PALM2AKAP2: variants seen among roughly 807,000 people sequenced by gnomAD.
PALM2AKAP2 encodes the protein PALM2 and AKAP2 fusion.
Under a neutral mutation model 71.5 loss-of-function variants are expected in PALM2AKAP2, and 37 were observed. The observed-to-expected ratio is 0.52, with a 90% CI of 0.40 to 0.68. PALM2AKAP2 has a LOEUF of 0.68. PALM2AKAP2 is among the 30% of genes least tolerant of loss of function. PALM2AKAP2 has a pLI of 0.00. For synonymous variants in PALM2AKAP2, 468 were observed against 478.8 expected (o/e 0.98, Z 0.29); for missense variants, 1,224 against 1,191.8 (o/e 1.03, Z -0.40).
At chr9:110,138,124 G>A (rs770546074) in exon 2 of PALM2AKAP2, 4 of 1,613,970 alleles carry the variant, frequency 2.5e-6, no homozygotes, top group South Asian at 1.1e-5. Context: ...CACCTCAGGT[G>A]TCTTCTCCTG....
At chr9:110,114,018 T>G (rs1174078066) in intron 1 of PALM2AKAP2, among the ~76,000 whole-genome samples, 1 of 152,206 alleles carries the variant, frequency 6.6e-6, no homozygotes, top group African/African-American at 2.4e-5. Flanking sequence ...GAAATCCTCA[T>G]AACAGCCTCA....
chr9:109,888,956 T>C (rs539924990), intron 3 of PALM2AKAP2, among the ~76,000 whole-genome samples: 127 of 152,296 alleles, frequency 8.3e-4, no homozygotes, highest in African/African-American at 2.8e-3. Flanking sequence ...CATTGCTGAA[T>C]GTTGCCTTGG....
intron 1 of PALM2AKAP2, among the ~76,000 whole-genome samples, chr9:110,121,998 A>G (rs147958120): frequency 1.5e-3 from 231 of 152,352 alleles, no homozygotes; most frequent in African/African-American, 5.2e-3. Flanking sequence ...TAGAAGAGAA[A>G]TGAGGCCTTC....
At chr9:109,741,092 G>A (rs545046433) in intron 1 of PALM2AKAP2, among the ~76,000 whole-genome samples, 2 of 152,152 alleles carry the variant, frequency 1.3e-5, no homozygotes, top group African/African-American at 4.8e-5. Context: ...TAGACATAGA[G>A]GATTTTCATC....
intron 1 of PALM2AKAP2, among the ~76,000 whole-genome samples, chr9:110,103,924 G>T (rs981914435): frequency 6.6e-6 from 1 of 152,118 alleles, no homozygotes; most frequent in African/African-American, 2.4e-5. Flanking sequence ...TTCTCTTTTG[G>T]CCACGTGAAC....
intron 1 of PALM2AKAP2, among the ~76,000 whole-genome samples, chr9:109,759,275 T>TA (rs1829013325): frequency 6.6e-6 from 1 of 152,088 alleles, no homozygotes; most frequent in Non-Finnish European, 1.5e-5. Context: ...CTCTTACACT[T>TA]AGATGTGATG....
intron 1 of PALM2AKAP2, 84 bp from the exon 2 acceptor site, chr9:109,867,404 GTGC>G (rs112086330): frequency 4.4e-4 from 641 of 1,463,230 alleles, no homozygotes; most frequent in Middle Eastern, 5.3e-4. Flanking sequence ...ATACAGATGT[GTGC>G]TGCTGCTGCT....
In PALM2AKAP2 at chr9:110,035,283, A is replaced by T. The variant is rs542824063; in HGVS notation, c.582+19244A>T. ...CACACATATATAATATATAATATAC[A>T]TATTGTACATATGTATAATACATAT... On this transcript the variant is annotated intron_variant, in intron 7 of 9. Transcript: ENST00000302798. Among the ~76,000 whole-genome samples the T allele has an allele frequency of 2.1e-4, 31 of 145,770 alleles. No homozygotes were observed. In the East Asian group the frequency reaches 5.5e-3, roughly 26 times the overall value.
intron 1 of PALM2AKAP2, among the ~76,000 whole-genome samples, chr9:109,834,984 A>G (rs994376892): frequency 6.6e-6 from 1 of 151,952 alleles, no homozygotes; most frequent in Non-Finnish European, 1.5e-5. Flanking sequence ...TCTCACACAA[A>G]CACACCTTCT....
In PALM2AKAP2 at chr9:109,855,573, T is replaced by C. The variant is rs551913532; in HGVS notation, c.46-11918T>C. Among the ~76,000 whole-genome samples the C allele has an allele frequency of 1.4e-4, 22 of 152,350 alleles. No individual in the cohort carries two copies. In the East Asian group the frequency reaches 4.0e-3, roughly 28 times the overall value. On this transcript the variant is annotated intron_variant, in intron 1 of 9. Transcript: ENST00000302798. Reference sequence around the variant, plus strand: ...TTTTGTGCTTTGTGGTTTCTTTCTATGCGTTATGTTTTTAAAGTCCTCTTC... The same window carrying C: ...TTTTGTGCTTTGTGGTTTCTTTCTACGCGTTATGTTTTTAAAGTCCTCTTC...
At chr9:109,985,837 A>G (rs573580491) in intron 6 of PALM2AKAP2, among the ~76,000 whole-genome samples, 7 of 152,074 alleles carry the variant, frequency 4.6e-5, no homozygotes, top group Admixed American at 1.3e-4. Flanking sequence ...GTTAGTGAAG[A>G]TGGGGTTTCA....
At chr9:109,998,483 C>T (rs945632252) in intron 6 of PALM2AKAP2, among the ~76,000 whole-genome samples, 1 of 152,116 alleles carries the variant, frequency 6.6e-6, no homozygotes, top group African/African-American at 2.4e-5. Flanking sequence ...TCCCAGCAAA[C>T]AAAAGCGAAC....
chr9:109,893,717 G>A (rs961577860), intron 3 of PALM2AKAP2, among the ~76,000 whole-genome samples: 1 of 152,060 alleles, frequency 6.6e-6, no homozygotes, highest in African/African-American at 2.4e-5. Context: ...CAAAGTGCTG[G>A]GATTACAGGC....
chr9:110,077,421 G>A (rs914755799), intron 1 of PALM2AKAP2, among the ~76,000 whole-genome samples: 7 of 152,282 alleles, frequency 4.6e-5, no homozygotes, highest in Admixed American at 3.9e-4. Context: ...ATCTTGTGAC[G>A]TGGGCAAGTT....
intron 7 of PALM2AKAP2, among the ~76,000 whole-genome samples, chr9:110,035,608 TGTTA>T (rs1214161621): frequency 7.2e-6 from 1 of 139,426 alleles, no homozygotes; most frequent in East Asian, 2.1e-4. Context: ...ATATGTTGTG[TGTTA>T]TATATAACAT....
intron 1 of PALM2AKAP2, among the ~76,000 whole-genome samples, chr9:109,840,545 C>T (rs1475730287): frequency 1.3e-5 from 2 of 152,152 alleles, no homozygotes; most frequent in Non-Finnish European, 2.9e-5. Context: ...AGAGCTTCTG[C>T]ACAGCAAAAG....
chr9:109,934,678 A>G (rs923974799), intron 6 of PALM2AKAP2, among the ~76,000 whole-genome samples: 2 of 152,146 alleles, frequency 1.3e-5, no homozygotes, highest in Non-Finnish European at 2.9e-5. Context: ...TTTGCTGGCA[A>G]TGTGGCCTTT....
At chr9:110,090,464 A>T in intron 1 of PALM2AKAP2, 1 of 456,482 alleles carries the variant, frequency 2.2e-6, no homozygotes, top group South Asian at 1.5e-5. Context: ...CTGCAGAGGG[A>T]ACTTACACCT....
intron 3 of PALM2AKAP2, among the ~76,000 whole-genome samples, chr9:110,162,396 G>T (rs182990532): frequency 5.2e-4 from 79 of 152,246 alleles, no homozygotes; most frequent in Non-Finnish European, 9.8e-4. Context: ...GCCTGCTCAC[G>T]AATCTTGAAG....
Sources: gnomAD v4.1 joint callset for allele counts (sites outside exome capture counted in the v4.1 genomes callset) on GRCh38, gnomAD v4.1.1 for gene constraint, MANE v1.5 for transcripts, NCBI Gene and HGNC (gene_info 2026-07-23, HGNC 2026-07-21) for gene names.